The following PARP11 variants were observed in gnomAD, a reference collection of about 807,000 sequenced individuals.
The protein encoded by PARP11 is poly(ADP-ribose) polymerase family member 11, also known as protein mono-ADP-ribosyltransferase PARP11.
Under a neutral mutation model 42.9 loss-of-function variants are expected in PARP11, and 31 were observed. That is an observed-to-expected ratio of 0.72 (90% CI 0.54 to 0.98). PARP11 has a LOEUF of 0.98. Ranked by LOEUF, PARP11 falls within the 50% of genes least tolerant of loss-of-function variation. The pLI, the probability that PARP11 is intolerant of heterozygous loss-of-function variation, is 0.00. For missense variants in PARP11, 365 were observed against 413.1 expected, an observed-to-expected ratio of 0.88 and a Z score of 1.01; for synonymous variants, 137 against 127.3, an observed-to-expected ratio of 1.08 and a Z score of -0.51.
intron 1 of PARP11, among the ~76,000 whole-genome samples, chr12:3,860,029 G>C (rs77772728): frequency 0.019 from 2,873 of 152,282 alleles, 103 homozygotes; most frequent in East Asian, 0.17. Flanking sequence ...CAAGAAGAGA[G>C]AATGACTTAA....
intron 6 of PARP11, among the ~76,000 whole-genome samples, chr12:3,817,913 T>C (rs1252594101): frequency 1.3e-5 from 2 of 152,240 alleles, no homozygotes; most frequent in East Asian, 1.9e-4. Flanking sequence ...CAGGTATCTC[T>C]ACTTGCTAGT....
chr12:3,871,788 T>C (rs934388775), intron 1 of PARP11: 6 of 152,196 alleles, frequency 3.9e-5, no homozygotes, highest in African/African-American at 1.2e-4. Flanking sequence ...CAGAAAATAC[T>C]ACCCCGAAGT....
In PARP11 at chr12:3,810,236, G is replaced by C. The variant is rs962049890; in HGVS notation, c.*1887C>G. ...GAGAGAAAATTCAGCATTAGAAGGA[G>C]TTAAGAGAAAAGCTTTCTGAAAAAG... On this transcript the variant is annotated 3_prime_UTR_variant, in exon 8 of 8. Coordinates refer to ENST00000228820, the MANE Select transcript of PARP11 (RefSeq NM_020367.6). 6.6e-6 allele frequency: 1 copy of C among 152,170 alleles called. No homozygotes were observed. The highest frequency in any genetic ancestry group is 2.1e-4 in the South Asian group (1 of 4,824). 9.4% of individuals were successfully genotyped at this position (152,170 alleles called of 1,614,324 possible). A position where few individuals can be genotyped will look rare whatever the true frequency, so the allele number is the denominator to read the frequency against.
chr12:3,814,171 T>C lies in PARP11; in HGVS notation c.566A>G (p.Lys189Arg), dbSNP rs887119577. Residue 189 changes from lysine (K) to arginine (R), a missense_variant, in exon 7 of 8, where the codon AAG becomes AGG. Physicochemically the swap from Lys to Arg is conservative, Grantham distance 26. Transcript: ENST00000228820. The stretch of plus-strand genomic sequence containing the variant: ...AATCTGAGGCACACCTCTTTTTTTC[T>C]TGAGCTGAGCCTTTTTCCTAAAAAC... ...EFFCRKKAQLKKKRGVPQINE... is the reference protein window; with the variant it reads ...EFFCRKKAQLRKKRGVPQINE... 2.5e-6 allele frequency: 4 copies of C among 1,602,924 alleles called. No individual in the cohort carries two copies. The highest frequency in any genetic ancestry group is 4.5e-5 in the East Asian group (2 of 44,612).
intron 4 of PARP11, among the ~76,000 whole-genome samples, chr12:3,825,711 A>G (rs1380280230): frequency 6.6e-6 from 1 of 152,040 alleles, no homozygotes; most frequent in African/African-American, 2.4e-5. Flanking sequence ...GAGAGATTTG[A>G]TATTTTTTTA....
At chr12:3,820,489 G>T (rs1296676790) in intron 6 of PARP11, among the ~76,000 whole-genome samples, 2 of 152,052 alleles carry the variant, frequency 1.3e-5, no homozygotes, top group African/African-American at 4.8e-5. Flanking sequence ...AACCGTGAAG[G>T]GCATCACCAG....
intron 1 of PARP11, among the ~76,000 whole-genome samples, chr12:3,834,217 G>A (rs956193591): frequency 6.6e-6 from 1 of 152,216 alleles, no homozygotes; most frequent in Non-Finnish European, 1.5e-5. Flanking sequence ...CCCAGGAGCA[G>A]TGGCATGGAG....
intron 1 of PARP11, among the ~76,000 whole-genome samples, chr12:3,839,084 C>A (rs1477897766): frequency 6.6e-6 from 1 of 151,956 alleles, no homozygotes; most frequent in Non-Finnish European, 1.5e-5. Flanking sequence ...AGGAGGCGGC[C>A]GCGTACGGAC....
chr12:3,866,728 C>T (rs897804302), intron 1 of PARP11, among the ~76,000 whole-genome samples: 21 of 152,160 alleles, frequency 1.4e-4, no homozygotes, highest in African/African-American at 4.3e-4. Flanking sequence ...AGAGAAAAGA[C>T]GCATTCCTCA....
At chr12:3,819,075 A>C (rs1394676475) in intron 6 of PARP11, among the ~76,000 whole-genome samples, 1 of 152,204 alleles carries the variant, frequency 6.6e-6, no homozygotes, top group Non-Finnish European at 1.5e-5. Context: ...CAACTGCTGT[A>C]TATCAACTAA....
chr12:3,841,341 T>G (rs1947885928), intron 1 of PARP11: 1 of 1,236,056 alleles, frequency 8.1e-7, no homozygotes, highest in Non-Finnish European at 1.2e-6. Context: ...ACCTGTACCC[T>G]CTGCACCAGG....
chr12:3,814,224 A>G, intron 6 of PARP11, 36 bp from the exon 7 acceptor site: 3 of 1,501,530 alleles, frequency 2.0e-6, no homozygotes, highest in Non-Finnish European at 1.8e-6. Flanking sequence ...AAAAGCACAC[A>G]GAAATATACC....
At chr12:3,853,772 G>C (rs1948142034) in intron 1 of PARP11, among the ~76,000 whole-genome samples, 1 of 152,106 alleles carries the variant, frequency 6.6e-6, no homozygotes, top group African/African-American at 2.4e-5. Flanking sequence ...ACTCAGCTCT[G>C]CACCAAGCAG....
chr12:3,838,684 TAAAC>T (rs947818632), intron 1 of PARP11, among the ~76,000 whole-genome samples: 10 of 152,122 alleles, frequency 6.6e-5, no homozygotes, highest in African/African-American at 1.9e-4. Context: ...TTTCAAAAGA[TAAAC>T]AAAAATGGAC....
Position 3,873,331 on chromosome 12 carries a change from G to A in PARP11, c.-102C>T, listed in dbSNP as rs1316251919. 1.8e-6 allele frequency: 2 copies of A among 1,117,482 alleles called. No homozygotes were observed. The highest frequency in any genetic ancestry group is 1.3e-6 in the Non-Finnish European group (1 of 752,310). The allele number at this position is 1,117,482 out of a possible 1,614,324, so 69.2% of individuals were successfully genotyped here. On this transcript the variant is annotated 5_prime_UTR_variant, in exon 1 of 8. Transcript: ENST00000228820. ...TCCCGCGGGTCCCCGGGAGCGAAGGGACGGAGATGCAACCTTTACGAAGGC... is the reference window on the plus strand; with the variant it reads ...TCCCGCGGGTCCCCGGGAGCGAAGGAACGGAGATGCAACCTTTACGAAGGC...
rs1168567153 is a variant in PARP11, at chr12:3,812,517, A to G, written c.701-78T>C. The stretch of plus-strand genomic sequence containing the variant: ...AAACAAGCAAAAACATTTTGTCAGG[A>G]GAATAGATGCATAGAATTGTATAAT... On this transcript the variant is annotated intron_variant, in intron 7 of 7. Transcript: ENST00000228820. 4.2e-6 allele frequency: 4 copies of G among 948,396 alleles called. No homozygotes were observed. In the African/African-American group the frequency reaches 6.6e-5, roughly 16 times the overall value. 58.7% of individuals were successfully genotyped at this position (948,396 alleles called of 1,614,324 possible). A position where few individuals can be genotyped will look rare whatever the true frequency, so the allele number is the denominator to read the frequency against.
chr12:3,873,341 C>A lies in PARP11; in HGVS notation c.-112G>T. The A allele has an allele frequency of 9.8e-7, 1 of 1,017,112 alleles. No homozygotes were observed. Among genetic ancestry groups the A allele is most frequent in the Non-Finnish European group, 1.5e-6 (1 of 663,244 alleles). The allele number at this position is 1,017,112 out of a possible 1,614,324, so 63.0% of individuals were successfully genotyped here. ...CCCCGGGAGCGAAGGGACGGAGATG[C>A]AACCTTTACGAAGGCCTTCCTCCTC... On this transcript the variant is annotated 5_prime_UTR_variant, in exon 1 of 8. Transcript: ENST00000228820.
chr12:3,839,319 C>G, intron 1 of PARP11: 1 of 1,525,488 alleles, frequency 6.6e-7, no homozygotes, highest in Non-Finnish European at 8.8e-7. Context: ...CGGCCGTCGG[C>G]GTCCCCGACG....
At chr12:3,871,249 T>C (rs1005008546) in intron 1 of PARP11, among the ~76,000 whole-genome samples, 1 of 152,248 alleles carries the variant, frequency 6.6e-6, no homozygotes, top group Non-Finnish European at 1.5e-5. Context: ...AGTAAATTTA[T>C]GCAGTTATCT....
Sources: allele counts gnomAD v4.1 joint callset (sites outside exome capture counted in the v4.1 genomes callset), GRCh38; gene constraint gnomAD v4.1.1; transcripts MANE v1.5; gene names NCBI Gene and HGNC (gene_info 2026-07-23, HGNC 2026-07-21).